USP12: variants seen among roughly 807,000 people sequenced by gnomAD.
USP12 encodes the protein ubiquitin specific peptidase 12, also known as ubiquitin carboxyl-terminal hydrolase 12.
In USP12, 19 loss-of-function variants were observed where a neutral mutation model predicts 45.5. That is an observed-to-expected ratio of 0.42 (90% CI 0.29 to 0.61). USP12 has a LOEUF of 0.61. USP12 is among the 20% of genes least tolerant of loss of function. The pLI is 0.22. For missense variants in USP12, 242 were observed against 447.7 expected (o/e 0.54, Z 4.15); for synonymous variants, 149 against 148.8 (o/e 1.00, Z -0.01).
chr13:27,084,497 G>GGAAAAAA (rs1873918063), intron 6 of USP12, among the ~76,000 whole-genome samples: 1 of 98,514 alleles, frequency 1.0e-5, no homozygotes, highest in African/African-American at 4.1e-5. Flanking sequence ...ACAGTGAGAT[G>GGAAAAAA]AAAAAAAAAA....
intron 1 of USP12, among the ~76,000 whole-genome samples, chr13:27,130,539 C>CAAA (rs375759075): frequency 8.6e-6 from 1 of 115,612 alleles, no homozygotes; most frequent in Non-Finnish European, 1.9e-5. Flanking sequence ...CACACACACA[C>CAAA]AAAAAAAATC....
At position 27,066,790 on chromosome 13, in the gene USP12, C is replaced by T. The variant is rs1278475564; in HGVS notation, c.*2493G>A. 1 of 152,158 alleles carries T rather than the reference C, an allele frequency of 6.6e-6. No homozygotes were observed. The highest frequency in any genetic ancestry group is 1.9e-4 in the East Asian group (1 of 5,194). The allele number at this position is 152,158 out of a possible 1,614,324, so 9.4% of individuals were successfully genotyped here. A position where few individuals can be genotyped will look rare whatever the true frequency, so the allele number is the denominator to read the frequency against. Reference sequence around the variant, plus strand: ...ATCAGCCACCACTTACAACTTACACCAGCCCCGCATTTTAATCACAGTCAA... The same window carrying T: ...ATCAGCCACCACTTACAACTTACACTAGCCCCGCATTTTAATCACAGTCAA... On this transcript the variant is annotated 3_prime_UTR_variant, in exon 9 of 9. Coordinates refer to ENST00000282344, the MANE Select transcript of USP12 (RefSeq NM_182488.4).
At chr13:27,080,713 C>T (rs1004603672) in intron 6 of USP12, among the ~76,000 whole-genome samples, 2 of 152,014 alleles carry the variant, frequency 1.3e-5, no homozygotes, top group Admixed American at 1.3e-4. Context: ...TCCAGGCCAC[C>T]GCAATAAAGT....
At chr13:27,169,864 GGCT>G (rs1259683249) in intron 1 of USP12, among the ~76,000 whole-genome samples, 2 of 152,168 alleles carry the variant, frequency 1.3e-5, no homozygotes, top group South Asian at 4.1e-4. Context: ...AGCACTTAGT[GGCT>G]GCTAAGTGTA....
chr13:27,085,373 G>A (rs921007128), intron 6 of USP12, among the ~76,000 whole-genome samples: 1 of 152,016 alleles, frequency 6.6e-6, no homozygotes, highest in East Asian at 1.9e-4. Context: ...TAGAGACGGG[G>A]TTTTAGCATA....
chr13:27,076,334 A>G (rs909543511), intron 6 of USP12, among the ~76,000 whole-genome samples: 2 of 152,166 alleles, frequency 1.3e-5, no homozygotes, highest in Non-Finnish European at 2.9e-5. Flanking sequence ...TGTTCTAAAC[A>G]ATCTTTATTA....
rs1463519722 is a variant in USP12 at position 27,068,372 on chromosome 13, A to C, written c.*911T>G. 2.0e-5 allele frequency: 3 copies of C among 152,616 alleles called. No homozygotes were observed. The highest frequency in any genetic ancestry group is 7.2e-5 in the African/African-American group (3 of 41,462). The allele number at this position is 152,616 out of a possible 1,614,324, so 9.5% of individuals were successfully genotyped here. Reference sequence around the variant, plus strand: ...GATTTAGAAACCATAATAAAAGGACAAATATTTAGCCAGAGATATCAGTTC... The same window carrying C: ...GATTTAGAAACCATAATAAAAGGACCAATATTTAGCCAGAGATATCAGTTC... On this transcript the variant is annotated 3_prime_UTR_variant, in exon 9 of 9. Transcript: ENST00000282344.
chr13:27,089,760 T>TTA, intron 6 of USP12, 123 bp downstream of exon 6: 1 of 850,194 alleles, frequency 1.2e-6, no homozygotes. Flanking sequence ...ACATTAACTG[T>TTA]TAGTGATAGA....
At chr13:27,126,399 AAAAC>A (rs1356051563) in intron 1 of USP12, among the ~76,000 whole-genome samples, 1 of 152,218 alleles carries the variant, frequency 6.6e-6, no homozygotes, top group African/African-American at 2.4e-5. Context: ...TGTGAGAAGG[AAAAC>A]AAACAAACAG....
intron 1 of USP12, among the ~76,000 whole-genome samples, chr13:27,168,448 C>A (rs1878443494): frequency 6.6e-6 from 1 of 152,194 alleles, no homozygotes; most frequent in South Asian, 2.1e-4. Flanking sequence ...GGATTAGCCA[C>A]CTCAACTGCA....
At chr13:27,153,645 A>G (rs1265416164) in intron 1 of USP12, among the ~76,000 whole-genome samples, 2 of 152,148 alleles carry the variant, frequency 1.3e-5, no homozygotes. Context: ...CATGGAGCTC[A>G]CACACCCACT....
Position 27,075,200 on chromosome 13 carries a change from T to C in USP12, c.923A>G (p.His308Arg). Residue 308 changes from histidine (H) to arginine (R), a missense_variant, in exon 7 of 9, where the codon CAC (histidine) becomes CGC (arginine). His to Arg is a conservative substitution (Grantham distance 29). Around this residue, in one of 5 missense-constraint regions of USP12, gnomAD observed 94 missense variants for 168.3 expected, o/e 0.56. Coordinates refer to ENST00000282344, the MANE Select transcript of USP12 (RefSeq NM_182488.4). ...CCGGAGTTGCAATTACCTTCCACAG[T>C]GAACCACAACAGCAACAAGGTCGTA... ...RMYDLVAVVV[H>R]CGSGPNRGHY... is the part of the protein sequence containing the mutation. The C allele has an allele frequency of 6.2e-7, 1 of 1,613,920 alleles. No homozygotes were observed.
At chr13:27,157,183 CACTAAT>C (rs1446384164) in intron 1 of USP12, among the ~76,000 whole-genome samples, 2 of 152,160 alleles carry the variant, frequency 1.3e-5, no homozygotes, top group African/African-American at 2.4e-5. Flanking sequence ...TAGTTATTTT[CACTAAT>C]GTGGTAATCA....
At chr13:27,149,941 G>A (rs1361052138) in intron 1 of USP12, among the ~76,000 whole-genome samples, 1 of 152,242 alleles carries the variant, frequency 6.6e-6, no homozygotes, top group Non-Finnish European at 1.5e-5. Context: ...AGGCAGTAAT[G>A]CTGCTCGCTG....
intron 1 of USP12, among the ~76,000 whole-genome samples, chr13:27,166,502 C>T (rs1878351649): frequency 6.6e-6 from 1 of 152,180 alleles, no homozygotes; most frequent in African/African-American, 2.4e-5. Context: ...GTGACATCAT[C>T]TCGCTGCAAC....
chr13:27,148,691 T>TATATAA (rs1215667357), intron 1 of USP12, among the ~76,000 whole-genome samples: 1 of 138,272 alleles, frequency 7.2e-6, no homozygotes, highest in Non-Finnish European at 1.6e-5. Context: ...TATATATATA[T>TATATAA]AATATAAATA....
At chr13:27,142,655 T>G (rs1230010037) in intron 1 of USP12, among the ~76,000 whole-genome samples, 1 of 152,146 alleles carries the variant, frequency 6.6e-6, no homozygotes, top group Non-Finnish European at 1.5e-5. Flanking sequence ...AATTCAAGAT[T>G]TATCAAAAAA....
intron 1 of USP12, among the ~76,000 whole-genome samples, chr13:27,122,534 C>T (rs1373121056): frequency 6.6e-6 from 1 of 152,058 alleles, no homozygotes; most frequent in Non-Finnish European, 1.5e-5. Context: ...CACCTGTAGT[C>T]CCAACTACTT....
At chr13:27,144,993 G>C (rs1566002527) in intron 1 of USP12, among the ~76,000 whole-genome samples, 1 of 152,140 alleles carries the variant, frequency 6.6e-6, no homozygotes. Flanking sequence ...CCTAAGCCCA[G>C]GATGTCGAGG....
Sources: allele counts gnomAD v4.1 joint callset (sites outside exome capture counted in the v4.1 genomes callset), GRCh38; gene constraint gnomAD v4.1.1; regional missense constraint gnomAD v4.1.1; transcripts MANE v1.5; gene names NCBI Gene and HGNC (gene_info 2026-07-23, HGNC 2026-07-21).